ANO2: variants seen among roughly 807,000 people sequenced by gnomAD.
ANO2 encodes the protein anoctamin-2.
ANO2 carries 101 observed loss-of-function variants against 124.2 expected under a neutral mutation model. That is an observed-to-expected ratio of 0.81 (90% CI 0.69 to 0.96). The LOEUF (loss-of-function observed/expected upper bound fraction) is 0.96, where lower values mean the gene tolerates loss of function less well. ANO2 is among the 40% of genes least tolerant of loss of function. The pLI, the probability that ANO2 is intolerant of heterozygous loss-of-function variation, is 0.00. For missense variants in ANO2, 1,293 were observed against 1,274.5 expected, an observed-to-expected ratio of 1.01 and a Z score of -0.22; for synonymous variants, 486 against 482.5, an observed-to-expected ratio of 1.01 and a Z score of -0.09.
rs768593034 is a variant in ANO2 at position 5,578,027 on chromosome 12, G to A, written c.2387-20C>T. On this transcript the variant is annotated intron_variant, in intron 21 of 24. Transcript: ENST00000682330. ...AGATTCCTACAAGACAGAAAAGACAGCGTCTGGCTCACTCCCGCCCTCGGC... is the reference window on the plus strand; with the variant it reads ...AGATTCCTACAAGACAGAAAAGACAACGTCTGGCTCACTCCCGCCCTCGGC... 1.2e-6 allele frequency: 2 copies of A among 1,612,838 alleles called. No individual in the cohort carries two copies. Among genetic ancestry groups the A allele is most frequent in the Admixed American group, 1.7e-5 (1 of 59,818 alleles).
chr12:5,767,115 T>C (rs1414714326), intron 10 of ANO2, among the ~76,000 whole-genome samples: 1 of 152,214 alleles, frequency 6.6e-6, no homozygotes, highest in Non-Finnish European at 1.5e-5. Context: ...CTCTCAACTC[T>C]GCCAAGCTGA....
intron 1 of ANO2, among the ~76,000 whole-genome samples, chr12:5,926,828 G>A (rs1942102430): frequency 6.6e-6 from 1 of 152,154 alleles, no homozygotes; most frequent in Non-Finnish European, 1.5e-5. Context: ...CCGGAGGAAG[G>A]CCTCACCACC....
At chr12:5,580,966 G>A (rs763476285) in intron 20 of ANO2, among the ~76,000 whole-genome samples, 56 of 152,204 alleles carry the variant, frequency 3.7e-4, no homozygotes, top group Non-Finnish European at 7.6e-4. Context: ...GGCCAACAAC[G>A]ATTGGAGGGT....
intron 10 of ANO2, among the ~76,000 whole-genome samples, chr12:5,773,236 A>AT (rs1365987688): frequency 6.6e-6 from 1 of 152,028 alleles, no homozygotes. Context: ...TTGCTTCCCC[A>AT]TTTTTTGTTG....
chr12:5,776,982 G>A (rs1952250678), intron 10 of ANO2, among the ~76,000 whole-genome samples: 1 of 152,190 alleles, frequency 6.6e-6, no homozygotes, highest in Non-Finnish European at 1.5e-5. Flanking sequence ...TTAGGGAAGG[G>A]TCACGAACCC....
chr12:5,597,737 C>T (rs1164612414), intron 20 of ANO2, among the ~76,000 whole-genome samples: 1 of 152,120 alleles, frequency 6.6e-6, no homozygotes, highest in African/African-American at 2.4e-5. Context: ...TAGGCCCTTC[C>T]CCAAATGGAA....
intron 14 of ANO2, among the ~76,000 whole-genome samples, chr12:5,656,021 A>G (rs1947134279): frequency 6.6e-6 from 1 of 152,220 alleles, no homozygotes; most frequent in South Asian, 2.1e-4. Flanking sequence ...ATCATCTGCA[A>G]CCCTTGTGAG....
intron 3 of ANO2, among the ~76,000 whole-genome samples, chr12:5,879,371 A>G (rs765113580): frequency 2.0e-5 from 3 of 152,154 alleles, no homozygotes; most frequent in Non-Finnish European, 4.4e-5. Flanking sequence ...TAAACAAGTT[A>G]TTATAGCTCA....
In ANO2 at chr12:5,944,974, A is replaced by C. The variant is rs186836929; in HGVS notation, c.22+222T>G. ...ACCTTCCCTCTCCTTGAGTTAAAAAAAAAACAAAACAAAACAAAAAACAAA... is the reference window on the plus strand; with the variant it reads ...ACCTTCCCTCTCCTTGAGTTAAAAACAAAACAAAACAAAACAAAAAACAAA... On this transcript the variant is annotated intron_variant, in intron 1 of 24. Coordinates refer to ENST00000682330, the MANE Select transcript of ANO2 (RefSeq NM_001364791.2). 8.0e-3 allele frequency among the ~76,000 whole-genome samples: 1,221 copies of C among 151,822 alleles called. 14 individuals carry two copies. The highest frequency in any genetic ancestry group is 0.021 in the African/African-American group (874 of 41,188).
chr12:5,701,660 C>T (rs1055163509), intron 14 of ANO2, among the ~76,000 whole-genome samples: 2 of 152,200 alleles, frequency 1.3e-5, no homozygotes, highest in Non-Finnish European at 2.9e-5. Context: ...CTCCATGACT[C>T]CATGTGACTG....
At chr12:5,852,256 C>T (rs182695550) in intron 4 of ANO2, among the ~76,000 whole-genome samples, 5 of 152,114 alleles carry the variant, frequency 3.3e-5, no homozygotes, top group Admixed American at 3.3e-4. Flanking sequence ...TTGAGGGCTG[C>T]GGTATTAGGA....
intron 14 of ANO2, among the ~76,000 whole-genome samples, chr12:5,696,644 C>A (rs1025908392): frequency 3.3e-5 from 5 of 152,072 alleles, no homozygotes; most frequent in Non-Finnish European, 7.4e-5. Flanking sequence ...ACAATCTTGG[C>A]CCTTAAACCA....
intron 1 of ANO2, among the ~76,000 whole-genome samples, chr12:5,924,234 G>C (rs11063916): frequency 6.6e-6 from 1 of 152,080 alleles, no homozygotes. Flanking sequence ...GCCCTCCAGC[G>C]CAGTTTCAGG....
intron 14 of ANO2, among the ~76,000 whole-genome samples, chr12:5,660,780 TGGAAAC>T (rs1409945568): frequency 2.0e-5 from 3 of 152,172 alleles, no homozygotes; most frequent in African/African-American, 7.2e-5. Context: ...GATATCAGTT[TGGAAAC>T]AATAGCCGGG....
intron 14 of ANO2, among the ~76,000 whole-genome samples, chr12:5,665,546 C>T (rs1410039064): frequency 3.3e-5 from 5 of 152,146 alleles, no homozygotes; most frequent in Non-Finnish European, 7.3e-5. Flanking sequence ...CTCCTGTGCT[C>T]GGAGGGATTT....
chr12:5,827,328 T>A (rs1953986167), intron 7 of ANO2, among the ~76,000 whole-genome samples: 1 of 151,288 alleles, frequency 6.6e-6, no homozygotes, highest in Non-Finnish European at 1.5e-5. Flanking sequence ...ACGTGCTGTG[T>A]GGGCTTAGGA....
rs144822027 is a variant in ANO2 at position 5,711,679 on chromosome 12, C to T, written c.1545+20841G>A. Among the ~76,000 whole-genome samples the T allele has an allele frequency of 2.9e-3, 444 of 152,274 alleles. 2 individuals carry two copies. The highest frequency in any genetic ancestry group is 0.01 in the African/African-American group (422 of 41,538). ...ATGGGGAATCCAGACAGTGCCTGTA[C>T]ATGCTCAAAAATGTGAAACTGCTCC... On this transcript the variant is annotated intron_variant, in intron 14 of 24. Coordinates refer to ENST00000682330, the MANE Select transcript of ANO2 (RefSeq NM_001364791.2).
intron 3 of ANO2, among the ~76,000 whole-genome samples, chr12:5,889,403 A>G (rs556880966): frequency 1.3e-5 from 2 of 152,380 alleles, no homozygotes; most frequent in South Asian, 2.1e-4. Context: ...TCAATTCCAC[A>G]TGGCCCCTGC....
At chr12:5,891,139 G>A (rs916984585) in intron 3 of ANO2, among the ~76,000 whole-genome samples, 1 of 152,138 alleles carries the variant, frequency 6.6e-6, no homozygotes, top group African/African-American at 2.4e-5. Context: ...AGTCAGCTTA[G>A]ACTCAAGCAG....
Sources: gnomAD v4.1 joint callset for allele counts (sites outside exome capture counted in the v4.1 genomes callset) on GRCh38, gnomAD v4.1.1 for gene constraint, MANE v1.5 for transcripts, NCBI Gene and HGNC (gene_info 2026-07-23, HGNC 2026-07-21) for gene names.